MGMT: variants seen among roughly 807,000 people sequenced by gnomAD.
The protein encoded by MGMT is O-6-methylguanine-DNA methyltransferase, also known as methylated-DNA--protein-cysteine methyltransferase.
A neutral mutation model predicts 15.9 loss-of-function variants in MGMT; 14 were observed. The observed-to-expected ratio is 0.88, with a 90% confidence interval of 0.58 to 1.37. The LOEUF (loss-of-function observed/expected upper bound fraction) is 1.37. Ranked by LOEUF, MGMT falls within the 40% of genes most tolerant of loss-of-function variation. The probability of loss-of-function intolerance (pLI) is 0.00; values close to 1 mark genes in which losing one functional copy is unlikely to be tolerated. For synonymous variants in MGMT, 130 were observed against 118.2 expected, an observed-to-expected ratio of 1.10 and a Z score of -0.65; for missense variants, 282 against 268.1, an observed-to-expected ratio of 1.05 and a Z score of -0.36.
intron 2 of MGMT, among the ~76,000 whole-genome samples, chr10:129,646,755 T>TATATATATATATATATATATATATATATA (rs375027874): frequency 6.4e-5 from 5 of 78,504 alleles, no homozygotes; most frequent in African/African-American, 2.0e-4. Context: ...TATATATATA[T>TATATATATATATATATATATATATATATA]TTTCAGGGAA....
At chr10:129,615,195 A>C (rs1035668061) in intron 2 of MGMT, among the ~76,000 whole-genome samples, 2 of 152,124 alleles carry the variant, frequency 1.3e-5, no homozygotes, top group African/African-American at 2.4e-5. Flanking sequence ...AGTTGTTTCT[A>C]ATGTCTAGAA....
chr10:129,576,129 C>T (rs1042202091), intron 2 of MGMT, among the ~76,000 whole-genome samples: 6 of 152,190 alleles, frequency 3.9e-5, no homozygotes, highest in Non-Finnish European at 1.5e-5. Flanking sequence ...GGTACCATTC[C>T]TTCTGAAACT....
At chr10:129,735,554 A>C (rs142197866) in intron 3 of MGMT, among the ~76,000 whole-genome samples, 82,184 of 149,586 alleles carry the variant, frequency 0.55, 22,761 homozygotes, top group Middle Eastern at 0.68. Flanking sequence ...TTGTGTCTCT[A>C]TTTCCTTCAG....
chr10:129,737,808 CG>C (rs1383643991), intron 3 of MGMT, among the ~76,000 whole-genome samples: 2 of 152,130 alleles, frequency 1.3e-5, no homozygotes, highest in African/African-American at 4.8e-5. Context: ...TTGGAGTACC[CG>C]GCCGTGTGAG....
At chr10:129,722,937 C>G (rs938510847) in intron 3 of MGMT, among the ~76,000 whole-genome samples, 4 of 135,126 alleles carry the variant, frequency 3.0e-5, no homozygotes, top group Non-Finnish European at 6.0e-5. Flanking sequence ...ACCCAGGAGA[C>G]AGAGGTTGCA....
chr10:129,593,757 G>A (rs2133055899), intron 2 of MGMT, among the ~76,000 whole-genome samples: 1 of 152,290 alleles, frequency 6.6e-6, no homozygotes, highest in African/African-American at 2.4e-5. Flanking sequence ...TTCCAAAGAG[G>A]TTTTCAAGAG....
At chr10:129,582,864 G>T (rs866816009) in intron 2 of MGMT, among the ~76,000 whole-genome samples, 13 of 152,194 alleles carry the variant, frequency 8.5e-5, no homozygotes, top group Middle Eastern at 3.4e-3. Context: ...TGGACAGAAA[G>T]AATTATTTCT....
intron 2 of MGMT, among the ~76,000 whole-genome samples, chr10:129,683,250 C>A (rs978515239): frequency 3.3e-5 from 5 of 152,210 alleles, no homozygotes; most frequent in Admixed American, 6.5e-5. Flanking sequence ...CAAGTGCCTG[C>A]GTAGGAGTAC....
chr10:129,618,293 G>C (rs145034919), intron 2 of MGMT, among the ~76,000 whole-genome samples: 1 of 152,206 alleles, frequency 6.6e-6, no homozygotes, highest in Admixed American at 6.5e-5. Context: ...CAAGCCTTAC[G>C]ATAGATGTTG....
chr10:129,600,766 T>C (rs1461030729), intron 2 of MGMT, among the ~76,000 whole-genome samples: 2 of 152,198 alleles, frequency 1.3e-5, no homozygotes, highest in Admixed American at 1.3e-4. Flanking sequence ...CCAACTCAGA[T>C]GTGGCCAGTT....
At chr10:129,764,329 G>GGGGGCT (rs779774463) in intron 4 of MGMT, among the ~76,000 whole-genome samples, 33 of 152,224 alleles carry the variant, frequency 2.2e-4, no homozygotes, top group Non-Finnish European at 1.2e-4. Context: ...CTTTTCCAAG[G>GGGGGCT]GGGGCTGGGG....
At chr10:129,691,653 T>G (rs1847971388) in intron 2 of MGMT, among the ~76,000 whole-genome samples, 1 of 150,926 alleles carries the variant, frequency 6.6e-6, no homozygotes, top group East Asian at 2.0e-4. Context: ...GTGTCAGGGG[T>G]TTCATGAAGG....
At chr10:129,542,933 A>G (rs1475348033) in intron 2 of MGMT, among the ~76,000 whole-genome samples, 2 of 152,198 alleles carry the variant, frequency 1.3e-5, no homozygotes, top group African/African-American at 2.4e-5. Context: ...TATGTTATCA[A>G]TAACACAAAT....
chr10:129,651,607 G>A (rs547707366), intron 2 of MGMT, among the ~76,000 whole-genome samples: 1 of 152,238 alleles, frequency 6.6e-6, no homozygotes, highest in South Asian at 2.1e-4. Context: ...AACACCAAGA[G>A]TTACATGATG....
chr10:129,577,791 G>A (rs1564857904), intron 2 of MGMT, among the ~76,000 whole-genome samples: 1 of 151,942 alleles, frequency 6.6e-6, no homozygotes, highest in Admixed American at 6.6e-5. Flanking sequence ...TACTCCTCTG[G>A]CAAAGGGCTA....
chr10:129,612,868 A>G (rs1474460258), intron 2 of MGMT, among the ~76,000 whole-genome samples: 2 of 152,152 alleles, frequency 1.3e-5, no homozygotes, highest in Admixed American at 6.5e-5. Context: ...CCCTCGCCCA[A>G]TGTGGACTCT....
chr10:129,536,141 A>G (rs1845980873), intron 1 of MGMT, 100 bp from the exon 2 acceptor site: 3 of 1,310,820 alleles, frequency 2.3e-6, no homozygotes, highest in African/African-American at 1.5e-5. Context: ...GAGCTTTGGA[A>G]TATATTTTGT....
chr10:129,514,712 C>T lies in MGMT; in HGVS notation c.-12-21529C>T, dbSNP rs950788868. Among the ~76,000 whole-genome samples, 11 of 152,242 alleles carry T rather than the reference C, an allele frequency of 7.2e-5. No homozygotes were observed. In the East Asian group the frequency reaches 7.7e-4, roughly 11 times the overall value. ...GACTCCAAAGAGGTAGAGCCCTCGA[C>T]GATTGAGGATGCAGCAGGAAGGCGC... On this transcript the variant is annotated intron_variant, in intron 1 of 4. Transcript: ENST00000651593.
rs537067173 is a variant in MGMT, at chr10:129,672,440, C to A, written c.126-35455C>A. Among the ~76,000 whole-genome samples, 9 of 152,302 alleles carry A rather than the reference C, an allele frequency of 5.9e-5. No homozygotes were observed. The South Asian group carries it at 1.9e-3, about 32-fold the overall frequency. ...TACTTCTTCAGAGGTTATTTTTGCT[C>A]CATTCCCTTGAATTTCCTTCTTTGA... On this transcript the variant is annotated intron_variant, in intron 2 of 4. Coordinates refer to ENST00000651593, the MANE Select transcript of MGMT (RefSeq NM_002412.5).
Sources: allele counts gnomAD v4.1 joint callset (sites outside exome capture counted in the v4.1 genomes callset), GRCh38; gene constraint gnomAD v4.1.1; transcripts MANE v1.5; gene names NCBI Gene and HGNC (gene_info 2026-07-23, HGNC 2026-07-21).